Variants in TMPRSS4 observed in about 807,000 individuals in gnomAD.
The protein encoded by TMPRSS4 is transmembrane serine protease 4.
In TMPRSS4, 45 loss-of-function variants were observed where a neutral mutation model predicts 56.4. That is an observed-to-expected ratio of 0.80 (90% CI 0.63 to 1.02). The LOEUF (loss-of-function observed/expected upper bound fraction) is 1.02. Among genes scored for constraint, TMPRSS4 ranks in the 50% least tolerant of loss-of-function variants. The probability of loss-of-function intolerance (pLI) is 0.00; values close to 1 mark genes in which losing one functional copy is unlikely to be tolerated. For synonymous variants in TMPRSS4, 205 were observed against 211.0 expected, an observed-to-expected ratio of 0.97 and a Z score of 0.25; for missense variants, 546 against 556.7, an observed-to-expected ratio of 0.98 and a Z score of 0.19.
intron 3 of TMPRSS4, among the ~76,000 whole-genome samples, chr11:118,102,373 G>A (rs1946758874): frequency 6.6e-6 from 1 of 152,208 alleles, no homozygotes; most frequent in Non-Finnish European, 1.5e-5. Context: ...TTGTACAGAT[G>A]AGGAAACTGA....
chr11:118,107,959 C>G (rs1045492023), intron 6 of TMPRSS4, 84 bp downstream of exon 6: 13 of 1,111,042 alleles, frequency 1.2e-5, no homozygotes, highest in Non-Finnish European at 1.7e-5. Flanking sequence ...ACCTGGAACC[C>G]CAAGCAGCCA....
At chr11:118,097,966 C>T (rs1215341214) in intron 2 of TMPRSS4, among the ~76,000 whole-genome samples, 1 of 152,152 alleles carries the variant, frequency 6.6e-6, no homozygotes, top group Non-Finnish European at 1.5e-5. Flanking sequence ...GACAGGGTTT[C>T]ACCATGTTGG....
intron 3 of TMPRSS4, among the ~76,000 whole-genome samples, chr11:118,100,777 T>C (rs1591383984): frequency 6.6e-6 from 1 of 152,188 alleles, no homozygotes; most frequent in South Asian, 2.1e-4. Flanking sequence ...ACCAAAGTTA[T>C]CCAGCGAAAG....
At chr11:118,096,863 G>A in intron 2 of TMPRSS4, among the ~76,000 whole-genome samples, 1 of 34,558 alleles carries the variant, frequency 2.9e-5, no homozygotes. Flanking sequence ...AAGAAAGAAA[G>A]AAAGAAAGAA....
intron 1 of TMPRSS4, among the ~76,000 whole-genome samples, chr11:118,089,563 G>C (rs1945811436): frequency 6.6e-6 from 1 of 152,158 alleles, no homozygotes; most frequent in Non-Finnish European, 1.5e-5. Flanking sequence ...CCCAACAAAA[G>C]CTGGACTTAA....
chr11:118,081,743 A>G (rs1333210588), intron 1 of TMPRSS4, among the ~76,000 whole-genome samples: 2 of 138,424 alleles, frequency 1.4e-5, no homozygotes, highest in African/African-American at 5.4e-5. Flanking sequence ...CTTCCTCTAA[A>G]TCTGTATGCA....
intron 1 of TMPRSS4, among the ~76,000 whole-genome samples, chr11:118,094,150 C>T (rs1053989431): frequency 6.6e-6 from 1 of 152,162 alleles, no homozygotes; most frequent in Non-Finnish European, 1.5e-5. Context: ...TGGCTCTATC[C>T]TGGAGCACAA....
chr11:118,082,906 G>A (rs1005993295), intron 1 of TMPRSS4, among the ~76,000 whole-genome samples: 6 of 152,214 alleles, frequency 3.9e-5, no homozygotes, highest in South Asian at 2.1e-4. Context: ...CGGCGAGTGG[G>A]TTCCCCAAGC....
At chr11:118,087,919 A>G (rs925477090) in intron 1 of TMPRSS4, among the ~76,000 whole-genome samples, 1 of 152,228 alleles carries the variant, frequency 6.6e-6, no homozygotes, top group Non-Finnish European at 1.5e-5. Flanking sequence ...CTTTCCCAAC[A>G]TGCTCTTTGA....
downstream of TMPRSS4, among the ~76,000 whole-genome samples, chr11:118,124,398 C>A (rs1302440794): frequency 6.6e-6 from 1 of 151,642 alleles, no homozygotes; most frequent in African/African-American, 2.4e-5. Flanking sequence ...AAAAACAAAA[C>A]AAAACAAAAC....
intron 7 of TMPRSS4, among the ~76,000 whole-genome samples, chr11:118,109,567 AT>A (rs996353670): frequency 6.6e-5 from 10 of 152,086 alleles, no homozygotes; most frequent in Non-Finnish European, 1.3e-4. Flanking sequence ...CCTGAAGTTC[AT>A]TTTCCCAAGA....
At chr11:118,093,231 C>T (rs1006909649) in intron 1 of TMPRSS4, among the ~76,000 whole-genome samples, 2 of 152,186 alleles carry the variant, frequency 1.3e-5, no homozygotes, top group South Asian at 4.1e-4. Context: ...GCAAGCAACA[C>T]CCAGGGACCC....
At position 118,104,729 on chromosome 11, in the gene TMPRSS4, G is replaced by A; in HGVS notation, c.349G>A (p.Asp117Asn). The change falls in exon 5 of 13, where the codon GAC becomes AAC. Residue 117 changes from aspartate (D) to asparagine (N), a missense_variant. Physicochemically the swap from Asp to Asn is conservative, Grantham distance 23. Transcript: ENST00000437212. ...GGACCGATCCACACTGCAGGTGCTG[G>A]ACTCGGCCACAGGGAACTGGTTCTC... ...SKDRSTLQVL[D>N]SATGNWFSAC... 6.2e-7 allele frequency: 1 copy of A among 1,614,148 alleles called. No individual in the cohort carries two copies. Among genetic ancestry groups the A allele is most frequent in the Non-Finnish European group, 8.5e-7 (1 of 1,180,028 alleles).
chr11:118,078,013 C>CAAA (rs148383275), intron 1 of TMPRSS4, among the ~76,000 whole-genome samples: 170 of 71,026 alleles, frequency 2.4e-3, no homozygotes, highest in African/African-American at 4.9e-3. Context: ...AACTCCGTCT[C>CAAA]AAAAAAAAAA....
Position 118,117,431 on chromosome 11 carries a change from A to G in TMPRSS4, c.1279A>G (p.Asn427Asp). The G allele has an allele frequency of 6.2e-7, 1 of 1,613,796 alleles. No individual in the cohort carries two copies. Among genetic ancestry groups the G allele is most frequent in the South Asian group, 1.1e-5 (1 of 91,058 alleles). Residue 427 changes from asparagine to aspartate, a missense_variant, in exon 12 of 13, where the codon AAC (asparagine) becomes GAC (aspartate). Coordinates refer to ENST00000437212, the MANE Select transcript of TMPRSS4 (RefSeq NM_019894.4). ...GVYTKVSAYL[N>D]WIYNVWKAEL ...ATACACCAAGGTCTCAGCCTATCTCAACTGGATCTACAATGTCTGGAAGGT... is the reference window on the plus strand; with the variant it reads ...ATACACCAAGGTCTCAGCCTATCTCGACTGGATCTACAATGTCTGGAAGGT...
intron 9 of TMPRSS4, among the ~76,000 whole-genome samples, chr11:118,114,016 T>C (rs1947415353): frequency 6.6e-6 from 1 of 152,272 alleles, no homozygotes; most frequent in Non-Finnish European, 1.5e-5. Flanking sequence ...ATTTTCATAC[T>C]ACAGCTCCCT....
chr11:118,083,600 A>G (rs909895933), intron 1 of TMPRSS4, among the ~76,000 whole-genome samples: 2 of 152,188 alleles, frequency 1.3e-5, no homozygotes, highest in African/African-American at 4.8e-5. Context: ...CCCAAGTTCT[A>G]TTTTAATATT....
At chr11:118,088,923 C>T (rs1482349831) in intron 1 of TMPRSS4, among the ~76,000 whole-genome samples, 2 of 152,218 alleles carry the variant, frequency 1.3e-5, no homozygotes, top group African/African-American at 4.8e-5. Flanking sequence ...TGCCTTGTTT[C>T]AGCTTTGCAT....
chr11:118,122,844 G>A (rs1057014100), downstream of TMPRSS4, among the ~76,000 whole-genome samples: 4 of 152,136 alleles, frequency 2.6e-5, no homozygotes, highest in Non-Finnish European at 5.9e-5. Context: ...GTAGTAAGAG[G>A]TGGGACTTTG....
Sources: allele counts gnomAD v4.1 joint callset (sites outside exome capture counted in the v4.1 genomes callset), GRCh38; gene constraint gnomAD v4.1.1; transcripts MANE v1.5; gene names NCBI Gene and HGNC (gene_info 2026-07-23, HGNC 2026-07-21).